The following USP54 variants were observed in gnomAD, a reference collection of about 807,000 sequenced individuals.
USP54 encodes ubiquitin specific peptidase 54.
In USP54, 87 loss-of-function variants were observed where a neutral mutation model predicts 170.5. The ratio of observed to expected loss-of-function variants is 0.51; its 90% CI spans 0.43 to 0.61. The LOEUF is 0.61. Among genes scored for constraint, USP54 ranks in the 20% least tolerant of loss-of-function variants. The pLI, the probability that USP54 is intolerant of heterozygous loss-of-function variation, is 0.00. For missense variants in USP54, 1,786 were observed against 2,047.8 expected (o/e 0.87, Z 2.47); for synonymous variants, 655 against 742.8 (o/e 0.88, Z 1.92).
At chr10:73,543,369 TG>T (rs754415337) in intron 5 of USP54, among the ~76,000 whole-genome samples, 1 of 152,118 alleles carries the variant, frequency 6.6e-6, no homozygotes, top group African/African-American at 2.4e-5. Flanking sequence ...TTTTTTTGTT[TG>T]TTTTTTTGTT....
intron 20 of USP54, among the ~76,000 whole-genome samples, chr10:73,509,075 A>AG (rs1200132266): frequency 8.1e-6 from 1 of 122,902 alleles, no homozygotes; most frequent in Admixed American, 9.2e-5. Context: ...AAATAAATGG[A>AG]GGGGGAAAAA....
In USP54 at chr10:73,551,953, G is replaced by T. The variant is rs1318417349; in HGVS notation, c.241-6281C>A. Among the ~76,000 whole-genome samples, 13 of 152,156 alleles carry T rather than the reference G, an allele frequency of 8.5e-5. 1 individual carries two copies. On this transcript the variant is annotated intron_variant, in intron 4 of 23. Transcript: ENST00000687698. ...AGCAACTCTCCTATGCATAGCACTA[G>T]CTATATGGCATCTTGGAGAGAATTA...
intron 7 of USP54, among the ~76,000 whole-genome samples, chr10:73,542,117 T>A (rs2066738170): frequency 1.3e-5 from 2 of 152,248 alleles, no homozygotes; most frequent in Admixed American, 1.3e-4. Flanking sequence ...GTGGTTTTTT[T>A]GAGACAGGGT....
At position 73,575,678 on chromosome 10, in the gene USP54, G is replaced by T; in HGVS notation, c.-17-3C>A. The stretch of plus-strand genomic sequence containing the variant: ...AGACATTATTGTTCACATTTAGCCT[G>T]AAAAAAAAATGGAGAAGGATTTGTG... On this transcript the variant is annotated splice_region_variant and splice_polypyrimidine_tract_variant and intron_variant, in intron 2 of 23. Transcript: ENST00000687698. 1 of 1,505,514 alleles carries T rather than the reference G, an allele frequency of 6.6e-7. No homozygotes were observed. The highest frequency in any genetic ancestry group is 1.3e-5 in the South Asian group (1 of 76,382). The allele number at this position is 1,505,514 out of a possible 1,614,324, so 93.3% of individuals were successfully genotyped here.
chr10:73,506,560 C>A (rs1306280776), intron 20 of USP54: 1 of 152,058 alleles, frequency 6.6e-6, no homozygotes, highest in Admixed American at 6.6e-5. Flanking sequence ...CTGGCTGAAG[C>A]TGATATTATT....
chr10:73,592,126 C>T (rs2132221631), upstream of USP54, among the ~76,000 whole-genome samples: 1 of 152,064 alleles, frequency 6.6e-6, no homozygotes. Flanking sequence ...TGTGATCAGT[C>T]AACCGAGAAC....
In USP54 at chr10:73,517,582, G is replaced by A. The variant is rs775179279; in HGVS notation, c.2844C>T (p.Pro948=). 9.3e-6 allele frequency: 15 copies of A among 1,614,112 alleles called. No individual in the cohort carries two copies. In the African/African-American group the frequency reaches 2.0e-4, roughly 22 times the overall value. Residue 948 remains proline (P), a synonymous_variant, in exon 20 of 24, where the codon CCC becomes CCT. Transcript: ENST00000687698. The stretch of plus-strand genomic sequence containing the variant: ...TCAGAAGCTTCAAGGCAGATCTACT[G>A]GGGGAGCTGTGCTGTGGGGCAGATG... ...PESSAPQHSS[P]SRSALKLLTS... is the part of the protein sequence containing the mutation.
chr10:73,616,295 G>A lies in USP54; in HGVS notation c.-18+9272C>T, dbSNP rs1276876477. Reference sequence around the variant, plus strand: ...AGAGGCTGCAGTGAGCCGAGATTGCGCCACTGCACTCCAGCCTAGGCGACA... The same window carrying A: ...AGAGGCTGCAGTGAGCCGAGATTGCACCACTGCACTCCAGCCTAGGCGACA... On this transcript the variant is annotated intron_variant, in intron 1 of 22. Transcript: ENST00000339859. Among the ~76,000 whole-genome samples the A allele has an allele frequency of 1.9e-4, 23 of 123,072 alleles. 2 individuals carry two copies. Among genetic ancestry groups the A allele is most frequent in the Admixed American group, 1.2e-3 (11 of 9,564 alleles). The allele number at this position is 123,072 out of a possible 152,430, so 80.7% of individuals were successfully genotyped here.
chr10:73,501,915 A>G (rs566446865), intron 22 of USP54, among the ~76,000 whole-genome samples: 5 of 152,222 alleles, frequency 3.3e-5, no homozygotes, highest in African/African-American at 1.2e-4. Context: ...CTACCCTACT[A>G]TCAGGAATAG....
At position 73,498,729 on chromosome 10, in the gene USP54, C is replaced by A; in HGVS notation, c.4955G>T (p.Gly1652Val). 3.1e-6 allele frequency: 5 copies of A among 1,613,688 alleles called. No individual in the cohort carries two copies. The highest frequency in any genetic ancestry group is 4.2e-6 in the Non-Finnish European group (5 of 1,179,770). The change falls in exon 24 of 24, where the codon GGA (glycine) becomes GTA (valine). Residue 1652 changes from glycine (G) to valine (V), a missense_variant. Coordinates refer to ENST00000687698, the MANE Select transcript of USP54 (RefSeq NM_001391956.1). ...WRQSSYASHS[G>V]HRRTVGEGFL... is the part of the protein sequence containing the mutation. ...CCCCTCTCCCACTGTTCTCCTGTGT[C>A]CAGAGTGGGAGGCATAACTGCTTTG...
chr10:73,570,556 T>C (rs1268222975), intron 4 of USP54, among the ~76,000 whole-genome samples: 5 of 148,904 alleles, frequency 3.4e-5, no homozygotes, highest in African/African-American at 4.9e-5. Flanking sequence ...TTTTCTTTTT[T>C]TTTTTTTTTT....
Position 73,498,400 on chromosome 10 carries a change from C to T in USP54, c.*229G>A, listed in dbSNP as rs979152155. 6 of 266,080 alleles carry T rather than the reference C, an allele frequency of 2.3e-5. No homozygotes were observed. The highest frequency in any genetic ancestry group is 4.3e-5 in the Non-Finnish European group (6 of 140,660). 16.5% of individuals were successfully genotyped at this position (266,080 alleles called of 1,614,324 possible). On this transcript the variant is annotated 3_prime_UTR_variant, in exon 24 of 24. Transcript: ENST00000687698. ...AAGCAATTCTCCTGCCTCAGCCTTC[C>T]GAGTAGTTGGGACTACAGGCACGCA... is the stretch of plus-strand genomic sequence containing the variant.
intron 1 of USP54, among the ~76,000 whole-genome samples, chr10:73,579,663 A>T (rs2076611599): frequency 1.3e-5 from 2 of 151,794 alleles, no homozygotes; most frequent in Non-Finnish European, 2.9e-5. Flanking sequence ...AGGCTGAGGC[A>T]GGAGAATCGC....
In USP54 at chr10:73,498,505, A is replaced by T. The variant is rs1248975877; in HGVS notation, c.*124T>A. The T allele has an allele frequency of 6.6e-6, 6 of 910,620 alleles. No homozygotes were observed. The highest frequency in any genetic ancestry group is 9.5e-6 in the Non-Finnish European group (6 of 633,754). 56.4% of individuals were successfully genotyped at this position (910,620 alleles called of 1,614,324 possible). A position where few individuals can be genotyped will look rare whatever the true frequency, so the allele number is the denominator to read the frequency against. On this transcript the variant is annotated 3_prime_UTR_variant, in exon 24 of 24. Transcript: ENST00000687698. Reference sequence around the variant, plus strand: ...TGGCCAGGATGGTCTCAATCTCCTGACCTCGTGATCCACCCGCCTCAGCCT... The same window carrying T: ...TGGCCAGGATGGTCTCAATCTCCTGTCCTCGTGATCCACCCGCCTCAGCCT...
chr10:73,500,583 C>A, intron 23 of USP54, 72 bp downstream of exon 23: 4 of 1,437,420 alleles, frequency 2.8e-6, no homozygotes, highest in South Asian at 1.4e-5. Context: ...CATAGGTATA[C>A]TGATTTGACC....
At chr10:73,575,152 G>T (rs1329575536) in intron 3 of USP54, among the ~76,000 whole-genome samples, 5 of 152,140 alleles carry the variant, frequency 3.3e-5, no homozygotes, top group Non-Finnish European at 1.5e-5. Flanking sequence ...TTGAACCTGG[G>T]AGGCGGAGGT....
chr10:73,541,669 C>G lies in USP54; in HGVS notation c.642G>C (p.Gln214His). 6.2e-7 allele frequency: 1 copy of G among 1,614,192 alleles called. No homozygotes were observed. The highest frequency in any genetic ancestry group is 8.5e-7 in the Non-Finnish European group (1 of 1,180,032). ...GCAGATCCCCCATGGTGCTGGCATT[C>G]TGCAGCAGCTCACCAAACATGCTTG... ...PSPSMFGELL[Q>H]NASTMGDLRN... The change falls in exon 8 of 24, where the codon CAG becomes CAC. Residue 214 changes from glutamine (Q) to histidine (H), a missense_variant. Coordinates refer to ENST00000687698, the MANE Select transcript of USP54 (RefSeq NM_001391956.1).
chr10:73,619,108 G>C (rs2080883834), intron 1 of USP54, among the ~76,000 whole-genome samples: 1 of 150,360 alleles, frequency 6.7e-6, no homozygotes, highest in South Asian at 2.1e-4. Context: ...AGCTACTCGG[G>C]AGGCTGAAGC....
intron 4 of USP54, among the ~76,000 whole-genome samples, chr10:73,566,154 C>T (rs1174277228): frequency 3.3e-5 from 5 of 152,148 alleles, no homozygotes; most frequent in South Asian, 2.1e-4. Flanking sequence ...CACTTGAACC[C>T]GGGAGGCGGA....
Sources: allele counts gnomAD v4.1 joint callset (sites outside exome capture counted in the v4.1 genomes callset), GRCh38; gene constraint gnomAD v4.1.1; transcripts MANE v1.5; gene names NCBI Gene and HGNC (gene_info 2026-07-23, HGNC 2026-07-21).